CRYM: variants seen among roughly 807,000 people sequenced by gnomAD.
CRYM encodes ketimine reductase mu-crystallin.
A neutral mutation model predicts 32.9 loss-of-function variants in CRYM; 18 were observed. That is an observed-to-expected ratio of 0.55 (90% CI 0.38 to 0.81). The LOEUF (loss-of-function observed/expected upper bound fraction) is 0.81. Ranked by LOEUF, CRYM falls within the 30% of genes least tolerant of loss-of-function variation. The pLI is 0.00. For synonymous variants in CRYM, 153 were observed against 152.4 expected (o/e 1.00, Z -0.03); for missense variants, 337 against 393.5 (o/e 0.86, Z 1.21).
chr16:21,282,938 A>G (rs868067434), upstream of CRYM, among the ~76,000 whole-genome samples: 1 of 152,226 alleles, frequency 6.6e-6, no homozygotes, highest in Middle Eastern at 3.4e-3. Context: ...TTATTAAAAT[A>G]ATGAAATTAT....
chr16:21,281,746 G>C (rs777312207), upstream of CRYM, among the ~76,000 whole-genome samples: 1 of 152,136 alleles, frequency 6.6e-6, no homozygotes. Context: ...ACCTTTTGAC[G>C]TATCAGGCTG....
chr16:21,266,560 A>G (rs1444521782), intron 5 of CRYM, among the ~76,000 whole-genome samples: 1 of 152,172 alleles, frequency 6.6e-6, no homozygotes, highest in Non-Finnish European at 1.5e-5. Context: ...ATTAAAAAGC[A>G]TATACATGTC....
In CRYM at chr16:21,277,350, C is replaced by T; in HGVS notation, c.324+81G>A. The stretch of plus-strand genomic sequence containing the variant: ...GCACGCGTAGTCACAATCAAGACTC[C>T]CCCTGCTGCGGAGAACTTACTTTTG... On this transcript the variant is annotated intron_variant, in intron 2 of 7. Coordinates refer to ENST00000572914, the MANE Select transcript of CRYM (RefSeq NM_001376256.1). The surrounding 1 kb of genome is among the most constrained non-coding windows in gnomAD (Gnocchi z 4.2). The T allele has an allele frequency of 6.7e-7, 1 of 1,484,080 alleles. No individual in the cohort carries two copies. Among genetic ancestry groups the T allele is most frequent in the Non-Finnish European group, 9.3e-7 (1 of 1,080,858 alleles). 91.9% of individuals were successfully genotyped at this position (1,484,080 alleles called of 1,614,324 possible). A position where few individuals can be genotyped will look rare whatever the true frequency, so the allele number is the denominator to read the frequency against.
At chr16:21,278,571 T>A, upstream of CRYM, 1 of 462,488 alleles carries the variant, frequency 2.2e-6, no homozygotes, top group Non-Finnish European at 4.0e-6. Flanking sequence ...CCTTGACTTT[T>A]GCTTCCTACA....
intron 1 of CRYM, among the ~76,000 whole-genome samples, chr16:21,291,443 C>T (rs1002833767): frequency 8.6e-5 from 13 of 152,004 alleles, no homozygotes; most frequent in African/African-American, 3.1e-4. Context: ...GACAATAACT[C>T]AAGTTATATG....
chr16:21,295,371 G>A (rs1338377066), intron 1 of CRYM, among the ~76,000 whole-genome samples: 1 of 152,164 alleles, frequency 6.6e-6, no homozygotes, highest in East Asian at 1.9e-4. Context: ...CATTCTGACT[G>A]GCATGAAATG....
chr16:21,267,513 T>C, intron 5 of CRYM, 41 bp downstream of exon 5: 1 of 1,605,912 alleles, frequency 6.2e-7, no homozygotes, highest in Non-Finnish European at 8.5e-7. Context: ...GAGAGGAGCC[T>C]GGCCACCACC....
At position 21,285,893 on chromosome 16, in the gene CRYM, A is replaced by C. The variant is rs952895474; in HGVS notation, c.-192-6933T>G. Among the ~76,000 whole-genome samples the C allele has an allele frequency of 4.6e-5, 7 of 152,334 alleles. 2 individuals carry two copies. The South Asian group carries it at 1.0e-3, about 23-fold the overall frequency. ...AGAATCAGCAATGTTTCAAGCAAAA[A>C]AGTTATTAAAAATCATCTTTGTCCT... is the stretch of plus-strand genomic sequence containing the variant. On this transcript the variant is annotated intron_variant, in intron 1 of 9. Transcript: ENST00000219599.
chr16:21,302,848 A>G (rs1960987453), intron 1 of CRYM: 1 of 152,288 alleles, frequency 6.6e-6, no homozygotes, highest in Non-Finnish European at 1.5e-5. Flanking sequence ...AGATATCTCA[A>G]GACAGAGAAA....
intron 1 of CRYM, among the ~76,000 whole-genome samples, chr16:21,302,628 T>C (rs1960980550): frequency 6.6e-6 from 1 of 152,192 alleles, no homozygotes; most frequent in South Asian, 2.1e-4. Flanking sequence ...CTGAGTTGTT[T>C]GCTGAGTTTA....
chr16:21,290,813 T>A (rs1567240468), intron 1 of CRYM, among the ~76,000 whole-genome samples: 1 of 152,226 alleles, frequency 6.6e-6, no homozygotes, highest in Non-Finnish European at 1.5e-5. Flanking sequence ...ATATTCCTTA[T>A]CCTCTTTCCA....
intron 4 of CRYM, among the ~76,000 whole-genome samples, chr16:21,269,212 T>C (rs1597617019): frequency 6.6e-6 from 1 of 151,480 alleles, no homozygotes; most frequent in African/African-American, 2.4e-5. Context: ...TAATAGTCTA[T>C]ATTTCTCAAG....
chr16:21,290,048 GTAAAATGGA>G (rs1960588973), intron 1 of CRYM, among the ~76,000 whole-genome samples: 1 of 148,338 alleles, frequency 6.7e-6, no homozygotes, highest in African/African-American at 2.6e-5. Flanking sequence ...TCAGCACTCT[GTAAAATGGA>G]CCAATCAGTG....
intron 7 of CRYM, among the ~76,000 whole-genome samples, chr16:21,260,664 G>C (rs2152861116): frequency 6.6e-6 from 1 of 152,258 alleles, no homozygotes; most frequent in South Asian, 2.1e-4. Flanking sequence ...GCAAGGGACA[G>C]ACTGGCCACT....
intron 4 of CRYM, among the ~76,000 whole-genome samples, chr16:21,268,109 TA>T (rs1355627869): frequency 4.6e-5 from 7 of 152,360 alleles, no homozygotes; most frequent in African/African-American, 1.7e-4. Flanking sequence ...TCCACTCTGC[TA>T]TTTCCTGAAA....
Position 21,277,648 on chromosome 16 carries a change from T to A in CRYM, c.171-64A>T. On this transcript the variant is annotated intron_variant, in intron 1 of 7. Transcript: ENST00000572914. This position sits in a 1 kb window ranked among gnomAD's most constrained non-coding sequence, Gnocchi z 4.2. ...CAATGCTGGGGTCTCTTAGAAAGTA[T>A]CCATATACTTTCCTTTTTCTTTCCT... 1 of 1,589,246 alleles carries A rather than the reference T, an allele frequency of 6.3e-7. No individual in the cohort carries two copies.
chr16:21,301,586 A>C (rs958318244), intron 1 of CRYM, among the ~76,000 whole-genome samples: 1 of 152,086 alleles, frequency 6.6e-6, no homozygotes, highest in Non-Finnish European at 1.5e-5. Flanking sequence ...CAAACTGGGG[A>C]CTACACTCGT....
At chr16:21,263,903 A>G (rs1390730952) in intron 5 of CRYM, among the ~76,000 whole-genome samples, 1 of 152,200 alleles carries the variant, frequency 6.6e-6, no homozygotes, top group Non-Finnish European at 1.5e-5. Flanking sequence ...ATGTAGATCC[A>G]CTGTTACCAG....
At chr16:21,290,513 T>G (rs1399785789) in intron 1 of CRYM, among the ~76,000 whole-genome samples, 1 of 152,298 alleles carries the variant, frequency 6.6e-6, no homozygotes, top group South Asian at 2.1e-4. Flanking sequence ...GTCCGTGGCT[T>G]CTTTCTTGAA....
Sources: allele counts gnomAD v4.1 joint callset (sites outside exome capture counted in the v4.1 genomes callset), GRCh38; gene constraint gnomAD v4.1.1; non-coding constraint Gnocchi (gnomAD v3.1); transcripts MANE v1.5; gene names NCBI Gene and HGNC (gene_info 2026-07-23, HGNC 2026-07-21).